The following KALRN variants were observed in gnomAD, a reference collection of about 807,000 sequenced individuals.
KALRN encodes the protein kalirin.
KALRN carries 70 observed loss-of-function variants against 353.7 expected under a neutral mutation model. The observed-to-expected ratio is 0.20, with a 90% confidence interval of 0.16 to 0.24. The LOEUF is 0.24. KALRN is among the 10% of genes least tolerant of loss of function. KALRN has a pLI of 1.00. For missense variants in KALRN, 2,791 were observed against 3,756.7 expected (o/e 0.74, Z 6.72); for synonymous variants, 1,391 against 1,434.8 (o/e 0.97, Z 0.69).
intron 1 of KALRN, among the ~76,000 whole-genome samples, chr3:124,034,040 C>T (rs2039155740): frequency 6.6e-6 from 1 of 152,188 alleles, no homozygotes; most frequent in Non-Finnish European, 1.5e-5. Flanking sequence ...CGCCTTCACC[C>T]CAGTTGCGGG....
intron 14 of KALRN, 100 bp downstream of exon 14, chr3:124,413,765 C>A: frequency 3.2e-6 from 3 of 925,786 alleles, no homozygotes; most frequent in South Asian, 3.7e-5. Context: ...TCATTTTATT[C>A]CTACAGATAC....
chr3:124,657,372 G>A, intron 39 of KALRN, 76 bp from the exon 40 acceptor site: 2 of 941,148 alleles, frequency 2.1e-6, no homozygotes, highest in Admixed American at 1.8e-5. Context: ...GCTTGCAGGG[G>A]TGCTGTGGTG....
intron 29 of KALRN, 33 bp downstream of exon 29, chr3:124,488,348 T>C (rs751891298): frequency 1.4e-6 from 2 of 1,395,588 alleles, no homozygotes. Context: ...GGAAGCCTCC[T>C]CTCTTCCTTG....
intron 34 of KALRN, among the ~76,000 whole-genome samples, chr3:124,602,422 T>G (rs1418780781): frequency 6.6e-6 from 1 of 152,150 alleles, no homozygotes; most frequent in African/African-American, 2.4e-5. Context: ...GGTGCTCCCA[T>G]GAAGAGAAAT....
chr3:124,490,968 A>C, intron 30 of KALRN, 84 bp downstream of exon 30: 424 of 1,254,854 alleles, frequency 3.4e-4, no homozygotes, highest in Non-Finnish European at 4.3e-4. Context: ...CACTCATCTC[A>C]TCTCCTCCCC....
At chr3:124,137,176 C>T (rs2066026007) in intron 1 of KALRN, among the ~76,000 whole-genome samples, 1 of 152,156 alleles carries the variant, frequency 6.6e-6, no homozygotes, top group African/African-American at 2.4e-5. Flanking sequence ...CTGAACAATG[C>T]ATTTAAAAAA....
intron 51 of KALRN, among the ~76,000 whole-genome samples, chr3:124,681,493 A>C (rs2087764301): frequency 6.6e-6 from 1 of 152,182 alleles, no homozygotes; most frequent in African/African-American, 2.4e-5. Flanking sequence ...TTGAGACACA[A>C]AGTTTCCTTT....
chr3:124,214,382 TA>T (rs1414451507), intron 1 of KALRN, among the ~76,000 whole-genome samples: 1 of 152,330 alleles, frequency 6.6e-6, no homozygotes, highest in African/African-American at 2.4e-5. Flanking sequence ...TTTTTTGAAA[TA>T]TATAAAGCTA....
At chr3:124,322,492 A>G (rs896911656) in intron 6 of KALRN, among the ~76,000 whole-genome samples, 1 of 152,158 alleles carries the variant, frequency 6.6e-6, no homozygotes, top group Non-Finnish European at 1.5e-5. Flanking sequence ...AGAATGGGAG[A>G]GCCAGGCAGA....
At chr3:124,601,513 A>T (rs187012591) in intron 34 of KALRN, among the ~76,000 whole-genome samples, 1 of 152,322 alleles carries the variant, frequency 6.6e-6, no homozygotes, top group East Asian at 1.9e-4. Flanking sequence ...CCTATGGCTG[A>T]TTCACGATGA....
intron 45 of KALRN, among the ~76,000 whole-genome samples, chr3:124,663,088 G>C (rs1373889403): frequency 6.6e-6 from 1 of 152,094 alleles, no homozygotes; most frequent in Non-Finnish European, 1.5e-5. Context: ...TGGGATTACA[G>C]GCATGTGCCA....
intron 10 of KALRN, among the ~76,000 whole-genome samples, chr3:124,381,519 G>A (rs1244589301): frequency 6.6e-6 from 1 of 152,176 alleles, no homozygotes; most frequent in Non-Finnish European, 1.5e-5. Flanking sequence ...TAATGGGGAA[G>A]AGAGCTGGGC....
intron 5 of KALRN, among the ~76,000 whole-genome samples, chr3:124,276,226 G>A (rs143252896): frequency 2.6e-5 from 4 of 152,292 alleles, no homozygotes; most frequent in African/African-American, 9.6e-5. Context: ...TCTACACTGG[G>A]CACCACTGGG....
intron 10 of KALRN, among the ~76,000 whole-genome samples, chr3:124,364,141 C>T (rs186410545): frequency 1.3e-5 from 2 of 152,334 alleles, no homozygotes; most frequent in African/African-American, 4.8e-5. Context: ...ATTATGTCAC[C>T]ATCCACATTA....
At chr3:124,274,251 A>G (rs2074461421) in intron 5 of KALRN, among the ~76,000 whole-genome samples, 2 of 152,232 alleles carry the variant, frequency 1.3e-5, no homozygotes, top group Admixed American at 6.5e-5. Flanking sequence ...TTGCCATCTG[A>G]TGACAGTCAT....
At chr3:124,437,026 G>A (rs1289862135) in intron 17 of KALRN, among the ~76,000 whole-genome samples, 5 of 150,812 alleles carry the variant, frequency 3.3e-5, no homozygotes, top group Non-Finnish European at 5.9e-5. Context: ...GATGGGACTG[G>A]AGAAGTCACC....
chr3:124,564,574 G>C (rs77421961), intron 34 of KALRN, among the ~76,000 whole-genome samples: 8,064 of 152,196 alleles, frequency 0.053, 270 homozygotes, highest in Middle Eastern at 0.16. Context: ...CTACTCAGTG[G>C]GGGGCTGGGG....
chr3:124,621,123 G>T (rs2079218718), intron 34 of KALRN, among the ~76,000 whole-genome samples: 1 of 152,188 alleles, frequency 6.6e-6, no homozygotes, highest in Non-Finnish European at 1.5e-5. Context: ...AGATGAGAAG[G>T]ATCCCTGCCC....
chr3:124,410,343 C>T, intron 13 of KALRN: 1 of 496,120 alleles, frequency 2.0e-6, no homozygotes, highest in Non-Finnish European at 4.1e-6. Flanking sequence ...CAGGCTCTTC[C>T]TTTCATGCTT....
Sources: gnomAD v4.1 joint callset for allele counts (sites outside exome capture counted in the v4.1 genomes callset) on GRCh38, gnomAD v4.1.1 for gene constraint, MANE v1.5 for transcripts, NCBI Gene and HGNC (gene_info 2026-07-23, HGNC 2026-07-21) for gene names.